ANKFN1: variants seen among roughly 807,000 people sequenced by gnomAD.
ANKFN1 encodes the protein ankyrin repeat and fibronectin type III domain containing 1, also known as ankyrin repeat and fibronectin type-III domain-containing protein 1.
In ANKFN1, 74 loss-of-function variants were observed where a neutral mutation model predicts 108.7. The observed-to-expected ratio is 0.68, with a 90% CI of 0.56 to 0.83. ANKFN1 has a LOEUF of 0.83. Among genes scored for constraint, ANKFN1 ranks in the 40% least tolerant of loss-of-function variants. The pLI, the probability that ANKFN1 is intolerant of heterozygous loss-of-function variation, is 0.00. For missense variants in ANKFN1, 1,505 were observed against 1,382.3 expected, an observed-to-expected ratio of 1.09 and a Z score of -1.41; for synonymous variants, 547 against 516.2, an observed-to-expected ratio of 1.06 and a Z score of -0.81.
At chr17:56,486,530 A>C (rs1222928644) in intron 18 of ANKFN1, among the ~76,000 whole-genome samples, 1 of 152,216 alleles carries the variant, frequency 6.6e-6, no homozygotes, top group Non-Finnish European at 1.5e-5. Context: ...TACTTCCTCC[A>C]TCAGGCATCT....
At chr17:56,333,710 T>C (rs2045728307) in intron 4 of ANKFN1, among the ~76,000 whole-genome samples, 1 of 152,158 alleles carries the variant, frequency 6.6e-6, no homozygotes, top group African/African-American at 2.4e-5. Flanking sequence ...GCCAAAGTTT[T>C]GGAAGAGTTG....
At chr17:56,267,843 G>GT (rs1254195602) in intron 3 of ANKFN1, among the ~76,000 whole-genome samples, 1 of 152,030 alleles carries the variant, frequency 6.6e-6, no homozygotes, top group South Asian at 2.1e-4. Context: ...CTCTGGCTTT[G>GT]TTTTTTTCAC....
chr17:56,047,376 G>A (rs1904697821), intron 4 of ANKFN1, among the ~76,000 whole-genome samples: 1 of 152,156 alleles, frequency 6.6e-6, no homozygotes, highest in African/African-American at 2.4e-5. Flanking sequence ...GAACGAAGGA[G>A]CACGGGAGGA....
At chr17:56,454,130 G>A (rs2049596004) in intron 11 of ANKFN1, among the ~76,000 whole-genome samples, 1 of 151,788 alleles carries the variant, frequency 6.6e-6, no homozygotes, top group Non-Finnish European at 1.5e-5. Flanking sequence ...TCAGATTTTG[G>A]TTCTCCCACA....
At chr17:56,215,605 G>T (rs1184669204) in intron 2 of ANKFN1, among the ~76,000 whole-genome samples, 1 of 152,198 alleles carries the variant, frequency 6.6e-6, no homozygotes, top group Non-Finnish European at 1.5e-5. Context: ...GGCAGAGGAG[G>T]TGCGATTCAT....
chr17:56,308,815 A>G (rs2044922464), intron 3 of ANKFN1, among the ~76,000 whole-genome samples: 2 of 152,174 alleles, frequency 1.3e-5, no homozygotes, highest in East Asian at 1.9e-4. Context: ...TTCTGCATCA[A>G]TTGATATGAT....
intron 10 of ANKFN1, among the ~76,000 whole-genome samples, chr17:56,448,720 G>T (rs545744622): frequency 1.3e-5 from 2 of 152,298 alleles, no homozygotes; most frequent in East Asian, 3.9e-4. Flanking sequence ...GACTCGGGGT[G>T]CTCAGTGGAG....
At chr17:56,246,267 G>A (rs890131384) in intron 3 of ANKFN1, among the ~76,000 whole-genome samples, 1 of 152,134 alleles carries the variant, frequency 6.6e-6, no homozygotes, top group Non-Finnish European at 1.5e-5. Context: ...CTATGATCAA[G>A]TGTAGTATCA....
At chr17:56,150,465 C>G (rs1908531660), upstream of ANKFN1, among the ~76,000 whole-genome samples, 1 of 152,108 alleles carries the variant, frequency 6.6e-6, no homozygotes, top group Non-Finnish European at 1.5e-5. Flanking sequence ...AGCCCACTGC[C>G]CTCATTTGTC....
At chr17:56,479,919 A>C (rs1373345839) in intron 16 of ANKFN1, among the ~76,000 whole-genome samples, 1 of 152,242 alleles carries the variant, frequency 6.6e-6, no homozygotes, top group Non-Finnish European at 1.5e-5. Flanking sequence ...GTTGCCCAAG[A>C]GGCATTTACC....
chr17:56,347,950 TAG>T (rs2144655390), intron 4 of ANKFN1, among the ~76,000 whole-genome samples: 1 of 152,076 alleles, frequency 6.6e-6, no homozygotes, highest in Non-Finnish European at 1.5e-5. Context: ...CAAAAGAATG[TAG>T]AGTTATTTTG....
chr17:56,455,652 T>C (rs1039608485), intron 11 of ANKFN1, among the ~76,000 whole-genome samples: 6 of 152,164 alleles, frequency 3.9e-5, no homozygotes, highest in African/African-American at 1.4e-4. Context: ...TTAAAATCAG[T>C]GATTATGTAG....
chr17:56,241,833 T>C (rs1259785794), intron 3 of ANKFN1, among the ~76,000 whole-genome samples: 2 of 152,094 alleles, frequency 1.3e-5, no homozygotes, highest in African/African-American at 4.8e-5. Context: ...ACATAAGCAC[T>C]GCAATACCAT....
intron 4 of ANKFN1, among the ~76,000 whole-genome samples, chr17:56,070,164 C>T (rs1398417052): frequency 6.6e-6 from 1 of 152,164 alleles, no homozygotes; most frequent in East Asian, 1.9e-4. Flanking sequence ...GGGAATGCAG[C>T]CCAGTAGGTC....
rs754071035 is a variant in ANKFN1 at position 56,153,571 on chromosome 17, G to C, written c.-71+41G>C. On this transcript the variant is annotated intron_variant, in intron 1 of 20. Transcript: ENST00000682825. Reference sequence around the variant, plus strand: ...TTCTAAATATCGGTAATTGGTGTTTGGAGGCCATTGTTTTGCATTCAACAG... The same window carrying C: ...TTCTAAATATCGGTAATTGGTGTTTCGAGGCCATTGTTTTGCATTCAACAG... 4 of 1,611,512 alleles carry C rather than the reference G, an allele frequency of 2.5e-6. No homozygotes were observed. In the South Asian group the frequency reaches 4.4e-5, roughly 18 times the overall value.
At chr17:56,478,036 G>A (rs779784647) in intron 16 of ANKFN1, among the ~76,000 whole-genome samples, 105 of 152,092 alleles carry the variant, frequency 6.9e-4, no homozygotes, top group East Asian at 3.9e-4. Flanking sequence ...CATGTTGGTC[G>A]GGCTGGTCTC....
intron 4 of ANKFN1, among the ~76,000 whole-genome samples, chr17:56,131,223 A>G (rs1907261909): frequency 6.6e-6 from 1 of 152,182 alleles, no homozygotes; most frequent in African/African-American, 2.4e-5. Flanking sequence ...GTGATTCCCA[A>G]TACACCATCC....
At chr17:56,395,108 G>A (rs1355478622) in intron 8 of ANKFN1, among the ~76,000 whole-genome samples, 1 of 152,158 alleles carries the variant, frequency 6.6e-6, no homozygotes, top group African/African-American at 2.4e-5. Flanking sequence ...TAAAAATAAT[G>A]TAGGCTCCTT....
At chr17:56,141,449 G>T (rs1043991277) in intron 4 of ANKFN1, among the ~76,000 whole-genome samples, 1 of 152,164 alleles carries the variant, frequency 6.6e-6, no homozygotes, top group African/African-American at 2.4e-5. Flanking sequence ...TGCCATAGCT[G>T]TCACATAAAG....
Sources: gnomAD v4.1 joint callset for allele counts (sites outside exome capture counted in the v4.1 genomes callset) on GRCh38, gnomAD v4.1.1 for gene constraint, MANE v1.5 for transcripts, NCBI Gene and HGNC (gene_info 2026-07-23, HGNC 2026-07-21) for gene names.